Variants in AMBRA1 observed in about 807,000 individuals in gnomAD.
AMBRA1 encodes autophagy and beclin 1 regulator 1.
AMBRA1 carries 47 observed loss-of-function variants against 125.4 expected under a neutral mutation model. The observed-to-expected ratio is 0.37, with a 90% CI of 0.30 to 0.48. The LOEUF is 0.48. Among genes scored for constraint, AMBRA1 ranks in the 20% least tolerant of loss-of-function variants. The pLI is 0.99. For missense variants in AMBRA1, 1,331 were observed against 1,693.4 expected, an observed-to-expected ratio of 0.79 and a Z score of 3.76; for synonymous variants, 626 against 655.5, an observed-to-expected ratio of 0.95 and a Z score of 0.69.
At chr11:46,508,141 A>G (rs1339498183) in intron 9 of AMBRA1, 50 bp downstream of exon 9, 7 of 1,594,460 alleles carry the variant, frequency 4.4e-6, no homozygotes, top group Non-Finnish European at 8.6e-7. Flanking sequence ...ACTTGGAAGC[A>G]CTCCAAGCTT....
intron 11 of AMBRA1, among the ~76,000 whole-genome samples, chr11:46,481,659 G>A (rs548508791): frequency 9.2e-5 from 14 of 152,224 alleles, no homozygotes; most frequent in African/African-American, 2.9e-4. Context: ...TACCGCGCCC[G>A]GCCTATTTTT....
At chr11:46,508,724 T>C (rs1951152736) in intron 8 of AMBRA1, among the ~76,000 whole-genome samples, 1 of 152,190 alleles carries the variant, frequency 6.6e-6, no homozygotes, top group Non-Finnish European at 1.5e-5. Context: ...CATTCATAGC[T>C]TTTCCTTGAT....
At chr11:46,524,871 A>C (rs1338346634) in intron 7 of AMBRA1, among the ~76,000 whole-genome samples, 1 of 152,272 alleles carries the variant, frequency 6.6e-6, no homozygotes, top group East Asian at 1.9e-4. Context: ...CGTGAGAATC[A>C]CATGCACCCC....
At chr11:46,569,832 G>T (rs2043692124) in intron 1 of AMBRA1, among the ~76,000 whole-genome samples, 1 of 152,098 alleles carries the variant, frequency 6.6e-6, no homozygotes, top group African/African-American at 2.4e-5. Context: ...GTGTTGGTAT[G>T]CACAGGTAAT....
chr11:46,439,673 A>T (rs1201067852), intron 12 of AMBRA1, among the ~76,000 whole-genome samples: 5 of 152,236 alleles, frequency 3.3e-5, no homozygotes, highest in Non-Finnish European at 1.5e-5. Context: ...TCTATGACAA[A>T]AATAACCTTC....
At position 46,527,477 on chromosome 11, in the gene AMBRA1, C is replaced by CAAAAAAAAAAAA. The variant is rs59904013; in HGVS notation, c.2072+14456_2072+14467dup. ...CCTAGGTGACAAAGTGAGACTGTCT[C>CAAAAAAAAAAAA]AAAAAAAAAAAAAAAAAAAAAAAAA... On this transcript the variant is annotated intron_variant, in intron 7 of 17. Transcript: ENST00000683756. Among the ~76,000 whole-genome samples the CAAAAAAAAAAAA allele has an allele frequency of 1.4e-3, 37 of 25,940 alleles. 5 individuals carry two copies. Among genetic ancestry groups the CAAAAAAAAAAAA allele is most frequent in the African/African-American group, 4.7e-3 (24 of 5,090 alleles). The allele number at this position is 25,940 out of a possible 152,430, so 17.0% of individuals were successfully genotyped here. A position where few individuals can be genotyped will look rare whatever the true frequency, so the allele number is the denominator to read the frequency against.
chr11:46,397,973 A>T, intron 17 of AMBRA1, 30 bp from the exon 18 acceptor site: 1 of 1,555,352 alleles, frequency 6.4e-7, no homozygotes, highest in East Asian at 2.3e-5. Context: ...AGAGAGAGCG[A>T]ATTGGCTGCT....
At chr11:46,456,124 A>G (rs1948833647) in intron 11 of AMBRA1, among the ~76,000 whole-genome samples, 1 of 151,816 alleles carries the variant, frequency 6.6e-6, no homozygotes, top group South Asian at 2.1e-4. Context: ...CACAAACATT[A>G]TTTAAGACAA....
rs2044700352 is a variant in AMBRA1 at position 46,594,006 on chromosome 11, G to GAGACATCAAGCAAGA, written c.-314_-300dup. ...TCGACCCGGCGCCGCCGCCGCTCAG[G>GAGACATCAAGCAAGA]AGACATCAAGCAAGAAGACGGCGCA... On this transcript the variant is annotated 5_prime_UTR_variant, in exon 1 of 18. It adds an upstream start codon to the 5' untranslated region. Coordinates refer to ENST00000683756, the MANE Select transcript of AMBRA1 (RefSeq NM_001387011.1). The GAGACATCAAGCAAGA allele has an allele frequency of 5.0e-6, 2 of 398,540 alleles. No homozygotes were observed. Among genetic ancestry groups the GAGACATCAAGCAAGA allele is most frequent in the South Asian group, 1.3e-4 (1 of 7,860 alleles). The allele number at this position is 398,540 out of a possible 1,614,324, so 24.7% of individuals were successfully genotyped here. A position where few individuals can be genotyped will look rare whatever the true frequency, so the allele number is the denominator to read the frequency against.
chr11:46,512,097 T>C (rs1442752819), intron 8 of AMBRA1, among the ~76,000 whole-genome samples: 8 of 152,172 alleles, frequency 5.3e-5, no homozygotes, highest in Admixed American at 5.2e-4. Context: ...CTCAAGTGAT[T>C]TGCCCGCCTC....
intron 11 of AMBRA1, among the ~76,000 whole-genome samples, chr11:46,469,749 C>T (rs566257289): frequency 1.3e-5 from 2 of 151,780 alleles, no homozygotes; most frequent in South Asian, 4.2e-4. Context: ...ACTGCAGCCT[C>T]GAACTCCTGG....
intron 1 of AMBRA1, among the ~76,000 whole-genome samples, chr11:46,569,214 C>G (rs2043657185): frequency 7.0e-6 from 1 of 143,402 alleles, no homozygotes; most frequent in South Asian, 2.3e-4. Flanking sequence ...ATACCACACT[C>G]TAGCCTGGGC....
chr11:46,540,925 C>T (rs1952707481), intron 7 of AMBRA1, among the ~76,000 whole-genome samples: 1 of 152,208 alleles, frequency 6.6e-6, no homozygotes, highest in South Asian at 2.1e-4. Flanking sequence ...TCAACTAATA[C>T]TTATTGACTG....
intron 1 of AMBRA1, among the ~76,000 whole-genome samples, chr11:46,557,383 C>T (rs2043192039): frequency 6.6e-6 from 1 of 151,354 alleles, no homozygotes; most frequent in African/African-American, 2.4e-5. Context: ...GTTTAGGCCA[C>T]AAAGCCCTGT....
chr11:46,560,461 T>A (rs2043293754), intron 1 of AMBRA1, among the ~76,000 whole-genome samples: 1 of 152,194 alleles, frequency 6.6e-6, no homozygotes, highest in South Asian at 2.1e-4. Context: ...CTGCCTAATG[T>A]CTGAAACACG....
At chr11:46,515,699 G>A (rs1048166747) in intron 7 of AMBRA1, among the ~76,000 whole-genome samples, 7 of 151,722 alleles carry the variant, frequency 4.6e-5, no homozygotes, top group Non-Finnish European at 7.4e-5. Flanking sequence ...TTTTTGAGAC[G>A]CAGTCTCACT....
chr11:46,545,696 C>T lies in AMBRA1; in HGVS notation c.459G>A (p.Leu153=). 1 of 1,614,192 alleles carries T rather than the reference C, an allele frequency of 6.2e-7. No homozygotes were observed. The highest frequency in any genetic ancestry group is 2.2e-5 in the East Asian group (1 of 44,890). The change falls in exon 5 of 18, where the codon CTG becomes CTA. Residue 153 remains leucine, a synonymous_variant. Coordinates refer to ENST00000683756, the MANE Select transcript of AMBRA1 (RefSeq NM_001387011.1). Reference sequence around the variant, plus strand: ...AGTGGATCTCATTGGCAGTGGCAATCAGCAGGAGCTGAGCCGTAGGGTGGA... The same window carrying T: ...AGTGGATCTCATTGGCAGTGGCAATTAGCAGGAGCTGAGCCGTAGGGTGGA... ...LAFHPTAQLL[L]IATANEIHFW...
At chr11:46,447,650 C>T (rs914520341) in intron 11 of AMBRA1, among the ~76,000 whole-genome samples, 1 of 151,966 alleles carries the variant, frequency 6.6e-6, no homozygotes, top group Admixed American at 6.6e-5. Context: ...GTGGAGGTTG[C>T]GGTGAGCTGA....
intron 7 of AMBRA1, among the ~76,000 whole-genome samples, chr11:46,525,976 C>T (rs760675863): frequency 9.9e-5 from 15 of 151,840 alleles, no homozygotes; most frequent in East Asian, 9.8e-4. Flanking sequence ...GAGGTCAAGG[C>T]GGACAGATCA....
Sources: gnomAD v4.1 joint callset for allele counts (sites outside exome capture counted in the v4.1 genomes callset) on GRCh38, gnomAD v4.1.1 for gene constraint, MANE v1.5 for transcripts, NCBI Gene and HGNC (gene_info 2026-07-23, HGNC 2026-07-21) for gene names.